CA5A: variants seen among roughly 807,000 people sequenced by gnomAD.
The protein encoded by CA5A is carbonic anhydrase 5A.
In CA5A, 28 loss-of-function variants were observed where a neutral mutation model predicts 37.1. That is an observed-to-expected ratio of 0.75 (90% CI 0.56 to 1.03). The LOEUF (loss-of-function observed/expected upper bound fraction) is 1.03, where lower values mean the gene tolerates loss of function less well. Ranked by LOEUF, CA5A falls within the 50% of genes least tolerant of loss-of-function variation. The probability of loss-of-function intolerance (pLI) is 0.00; values close to 1 mark genes in which losing one functional copy is unlikely to be tolerated. For synonymous variants in CA5A, 171 were observed against 158.4 expected (o/e 1.08, Z -0.60); for missense variants, 444 against 399.9 (o/e 1.11, Z -0.94).
At chr16:87,926,665 C>T (rs1597585132) in intron 2 of CA5A, 83 bp downstream of exon 2, 3 of 1,098,508 alleles carry the variant, frequency 2.7e-6, no homozygotes, top group Admixed American at 1.9e-5. Context: ...TCCTGCTCTC[C>T]TCCCCCTTCT....
intron 5 of CA5A, chr16:87,893,762 T>C (rs1266945506): frequency 2.3e-6 from 1 of 438,376 alleles, no homozygotes; most frequent in African/African-American, 2.0e-5. Flanking sequence ...TATTTTGCAT[T>C]GAATACACTC....
chr16:87,924,501 C>G (rs1188711967), intron 2 of CA5A, among the ~76,000 whole-genome samples: 4 of 152,238 alleles, frequency 2.6e-5, no homozygotes, highest in Non-Finnish European at 5.9e-5. Flanking sequence ...TGGGGTGCCT[C>G]TCCCCGGGCT....
At chr16:87,916,868 C>T (rs899577488) in intron 2 of CA5A, among the ~76,000 whole-genome samples, 4 of 151,892 alleles carry the variant, frequency 2.6e-5, no homozygotes, top group Admixed American at 6.6e-5. Context: ...TTTGGGAGGC[C>T]GAGGCAGGAG....
In CA5A at chr16:87,936,493, T is replaced by C; in HGVS notation, c.-43A>G. On this transcript the variant is annotated 5_prime_UTR_variant, in exon 1 of 7. Transcript: ENST00000649794. ...TGACTCCAGTCTGAAGAGGGTGATG[T>C]TCCCTGCTGTCTGTTCTCACTTTGA... 1.2e-6 allele frequency: 2 copies of C among 1,609,068 alleles called. No individual in the cohort carries two copies. Among genetic ancestry groups the C allele is most frequent in the Non-Finnish European group, 8.5e-7 (1 of 1,178,008 alleles).
intron 5 of CA5A, among the ~76,000 whole-genome samples, chr16:87,900,427 C>A (rs1284360161): frequency 6.6e-6 from 1 of 152,236 alleles, no homozygotes; most frequent in Admixed American, 6.5e-5. Context: ...CAAACGTCTC[C>A]TTGAACCGCG....
chr16:87,903,018 C>T (rs1771799481), intron 3 of CA5A, among the ~76,000 whole-genome samples: 1 of 151,338 alleles, frequency 6.6e-6, no homozygotes, highest in African/African-American at 2.4e-5. Context: ...CAGGAAGGAA[C>T]AGCCTCAGTC....
intron 1 of CA5A, among the ~76,000 whole-genome samples, chr16:87,935,532 A>G (rs1161577556): frequency 6.6e-6 from 1 of 152,114 alleles, no homozygotes. Flanking sequence ...CCTCCCCAGG[A>G]CCCCTGAAAC....
chr16:87,884,133 G>A (rs1437561467), downstream of CA5A: 4 of 150,856 alleles, frequency 2.7e-5, no homozygotes, highest in African/African-American at 7.3e-5. Flanking sequence ...TAAAAATACT[G>A]GGCCAGGCGC....
rs779915484 is a variant in CA5A at position 87,888,142 on chromosome 16, C to G, written c.905G>C (p.Gly302Ala). ...GACCTAATGTCTCTAGGACCTTGTG[C>G]CCTCATTAGTGGCCTGGAAGGACGC... ...VWASFQATNE[G>A]TRS Residue 302 changes from glycine to alanine, a missense_variant, in exon 7 of 7, where the codon GGC (glycine) becomes GCC (alanine). Coordinates refer to ENST00000649794, the MANE Select transcript of CA5A (RefSeq NM_001739.2). The G allele has an allele frequency of 1.2e-6, 2 of 1,612,894 alleles. No individual in the cohort carries two copies. Among genetic ancestry groups the G allele is most frequent in the South Asian group, 2.2e-5 (2 of 90,988 alleles).
chr16:87,907,953 G>A (rs4843735), intron 2 of CA5A, among the ~76,000 whole-genome samples: 17,358 of 152,064 alleles, frequency 0.11, 1,219 homozygotes, highest in African/African-American at 0.21. Flanking sequence ...ACAAACAAAA[G>A]CGGTTGTTTC....
intron 6 of CA5A, 27 bp from the exon 7 acceptor site, chr16:87,888,299 C>G (rs754868878): frequency 1.9e-6 from 3 of 1,601,356 alleles, no homozygotes; most frequent in Non-Finnish European, 2.6e-6. Flanking sequence ...CCAGGGTGAG[C>G]TTGGTATGAG....
chr16:87,896,467 C>A (rs2055804456), intron 5 of CA5A, among the ~76,000 whole-genome samples: 1 of 152,190 alleles, frequency 6.6e-6, no homozygotes, highest in South Asian at 2.1e-4. Flanking sequence ...CAGGGCCCTT[C>A]CTTTATGCAT....
intron 6 of CA5A, among the ~76,000 whole-genome samples, chr16:87,890,616 TTTTTA>T (rs1041535307): frequency 9.9e-5 from 15 of 152,110 alleles, no homozygotes; most frequent in African/African-American, 2.9e-4. Context: ...TTTTATTTAT[TTTTTA>T]TTTTATTTTT....
chr16:87,931,006 T>C (rs1230112592), intron 1 of CA5A, among the ~76,000 whole-genome samples: 1 of 151,926 alleles, frequency 6.6e-6, no homozygotes, highest in Non-Finnish European at 1.5e-5. Context: ...CCCAAAGTGC[T>C]GGGATTATAG....
intron 1 of CA5A, among the ~76,000 whole-genome samples, chr16:87,927,189 G>A (rs1448412458): frequency 2.0e-5 from 3 of 152,258 alleles, no homozygotes; most frequent in Non-Finnish European, 4.4e-5. Flanking sequence ...CTCCCTCTGG[G>A]CCCATGCCAC....
At chr16:87,906,421 A>T (rs1245787651) in intron 2 of CA5A, among the ~76,000 whole-genome samples, 2 of 151,840 alleles carry the variant, frequency 1.3e-5, no homozygotes, top group Non-Finnish European at 2.9e-5. Context: ...TGAGGTCAGG[A>T]GTTAGAGACC....
At chr16:87,900,407 A>T (rs1354919096) in intron 5 of CA5A, among the ~76,000 whole-genome samples, 2 of 152,218 alleles carry the variant, frequency 1.3e-5, no homozygotes, top group Non-Finnish European at 2.9e-5. Context: ...GGCGAAGGCC[A>T]CGTACAGATC....
In CA5A at chr16:87,893,533, C is replaced by T. The variant is rs778664045; in HGVS notation, c.619-1579G>A. ...TGTGCCTGCCACCCTATGCTGCAGCCGTCCAGGGACTGGCAGGCCTCGGCC... is the reference window on the plus strand; with the variant it reads ...TGTGCCTGCCACCCTATGCTGCAGCTGTCCAGGGACTGGCAGGCCTCGGCC... On this transcript the variant is annotated intron_variant, in intron 5 of 6. Transcript: ENST00000649794. The T allele has an allele frequency of 1.7e-4, 96 of 570,972 alleles. 1 individual carries two copies. The highest frequency in any genetic ancestry group is 5.5e-4 in the Admixed American group (29 of 52,500). The allele number at this position is 570,972 out of a possible 1,614,324, so 35.4% of individuals were successfully genotyped here.
At chr16:87,931,087 C>G (rs1666782837) in intron 1 of CA5A, among the ~76,000 whole-genome samples, 1 of 151,010 alleles carries the variant, frequency 6.6e-6, no homozygotes, top group Non-Finnish European at 1.5e-5. Context: ...GTAGGGTGTC[C>G]CAACGTTCAG....
Sources: gnomAD v4.1 joint callset for allele counts (sites outside exome capture counted in the v4.1 genomes callset) on GRCh38, gnomAD v4.1.1 for gene constraint, MANE v1.5 for transcripts, NCBI Gene and HGNC (gene_info 2026-07-23, HGNC 2026-07-21) for gene names.